Variants in ROBO2 observed in about 807,000 individuals in gnomAD.
ROBO2 encodes roundabout guidance receptor 2, also known as roundabout homolog 2.
Under a neutral mutation model 160.8 loss-of-function variants are expected in ROBO2, and 53 were observed. The observed-to-expected ratio is 0.33, with a 90% CI of 0.26 to 0.41. ROBO2 has a LOEUF of 0.41. Ranked by LOEUF, ROBO2 falls within the 10% of genes least tolerant of loss-of-function variation. ROBO2 has a pLI of 1.00. For missense variants in ROBO2, 1,577 were observed against 1,722.4 expected, an observed-to-expected ratio of 0.92 and a Z score of 1.49; for synonymous variants, 664 against 611.7, an observed-to-expected ratio of 1.09 and a Z score of -1.26.
chr3:76,030,261 A>T (rs1456123155), intron 2 of ROBO2, among the ~76,000 whole-genome samples: 2 of 151,976 alleles, frequency 1.3e-5, no homozygotes, highest in East Asian at 3.9e-4. Flanking sequence ...AGATTCTGGA[A>T]ATTAGCCCTT....
intron 2 of ROBO2, among the ~76,000 whole-genome samples, chr3:77,161,860 GTTC>G (rs147354370): frequency 0.013 from 1,992 of 151,518 alleles, 63 homozygotes; most frequent in African/African-American, 0.045. Flanking sequence ...AAAGCATGTA[GTTC>G]TTCTTCTGTA....
intron 2 of ROBO2, among the ~76,000 whole-genome samples, chr3:77,194,942 T>C (rs1294691909): frequency 6.6e-6 from 1 of 152,118 alleles, no homozygotes; most frequent in Non-Finnish European, 1.5e-5. Context: ...AATTAAATAT[T>C]ACATGGCTCT....
chr3:77,024,508 A>T (rs538487854), intron 2 of ROBO2, among the ~76,000 whole-genome samples: 8 of 152,274 alleles, frequency 5.3e-5, no homozygotes, highest in Non-Finnish European at 8.8e-5. Flanking sequence ...AGCATATACA[A>T]TGCTATGATC....
intron 5 of ROBO2, among the ~76,000 whole-genome samples, chr3:77,497,869 A>G (rs2087010625): frequency 6.6e-6 from 1 of 152,164 alleles, no homozygotes; most frequent in Admixed American, 6.5e-5. Flanking sequence ...AGAAACATTA[A>G]CATAACACAA....
chr3:77,033,277 G>A (rs1388400601), intron 2 of ROBO2, among the ~76,000 whole-genome samples: 1 of 152,136 alleles, frequency 6.6e-6, no homozygotes, highest in African/African-American at 2.4e-5. Context: ...GAGTGGAAAT[G>A]CTACTTCAGT....
chr3:76,858,166 G>A (rs771095591), intron 2 of ROBO2, among the ~76,000 whole-genome samples: 3 of 152,156 alleles, frequency 2.0e-5, no homozygotes, highest in African/African-American at 7.2e-5. Flanking sequence ...CACTGATGCT[G>A]TTCACCTGCC....
Position 77,583,152 on chromosome 3 carries a change from C to CAAA in ROBO2, c.2500+3054_2500+3056dup, listed in dbSNP as rs56827523. Among the ~76,000 whole-genome samples, 39 of 53,470 alleles carry CAAA rather than the reference C, an allele frequency of 7.3e-4. 3 individuals are homozygous for CAAA. The highest frequency in any genetic ancestry group is 7.5e-4 in the African/African-American group (8 of 10,622). The allele number at this position is 53,470 out of a possible 152,430, so 35.1% of individuals were successfully genotyped here. A position where few individuals can be genotyped will look rare whatever the true frequency, so the allele number is the denominator to read the frequency against. On this transcript the variant is annotated intron_variant, in intron 16 of 25. Coordinates refer to ENST00000461745, the Ensembl canonical transcript of ROBO2. ...GTCACTGAGCGAGACTCTGTCTCTC[C>CAAA]AAAAAAAAAAAAAAAAAAAAAAGGA... is the stretch of plus-strand genomic sequence containing the variant.
At chr3:75,910,894 T>C (rs1946548611) in intron 1 of ROBO2, among the ~76,000 whole-genome samples, 1 of 151,968 alleles carries the variant, frequency 6.6e-6, no homozygotes, top group African/African-American at 2.4e-5. Flanking sequence ...TTGAACTATG[T>C]TTTTAAATGT....
At chr3:76,127,236 A>G (rs2108317366) in intron 2 of ROBO2, among the ~76,000 whole-genome samples, 1 of 152,256 alleles carries the variant, frequency 6.6e-6, no homozygotes, top group Non-Finnish European at 1.5e-5. Flanking sequence ...ACCAGTGGTA[A>G]TTTGGGAGGC....
At chr3:77,512,953 T>C (rs1432684085) in intron 5 of ROBO2, among the ~76,000 whole-genome samples, 1 of 151,898 alleles carries the variant, frequency 6.6e-6, no homozygotes, top group Admixed American at 6.6e-5. Flanking sequence ...AAAACACTTG[T>C]TCTAGAATTG....
intron 2 of ROBO2, among the ~76,000 whole-genome samples, chr3:77,295,850 A>G (rs2153404798): frequency 6.7e-6 from 1 of 149,794 alleles, no homozygotes; most frequent in Admixed American, 6.7e-5. Context: ...TAAACGGGTA[A>G]GCTGAGGCTA....
At chr3:76,208,860 A>G (rs1702968508) in intron 2 of ROBO2, among the ~76,000 whole-genome samples, 1 of 151,996 alleles carries the variant, frequency 6.6e-6, no homozygotes, top group Non-Finnish European at 1.5e-5. Flanking sequence ...TCAGTAAATT[A>G]CCCAATAAAA....
chr3:77,427,577 G>T (rs1325307083), intron 2 of ROBO2, among the ~76,000 whole-genome samples: 1 of 152,172 alleles, frequency 6.6e-6, no homozygotes, highest in African/African-American at 2.4e-5. Flanking sequence ...GGAAAGAAAT[G>T]CTGTCTTTCC....
chr3:77,606,960 C>G (rs534092734), intron 20 of ROBO2, among the ~76,000 whole-genome samples: 1 of 152,220 alleles, frequency 6.6e-6, no homozygotes, highest in Admixed American at 6.5e-5. Context: ...AAGGAAGAAG[C>G]TTTATCTACT....
chr3:76,331,257 G>C (rs1016885134), intron 2 of ROBO2, among the ~76,000 whole-genome samples: 8 of 152,054 alleles, frequency 5.3e-5, no homozygotes, highest in Non-Finnish European at 1.2e-4. Context: ...AGTATGGGGT[G>C]TTGGCAAAAT....
At chr3:75,943,173 T>C (rs1253877449) in intron 2 of ROBO2, among the ~76,000 whole-genome samples, 5 of 152,206 alleles carry the variant, frequency 3.3e-5, no homozygotes, top group Admixed American at 2.6e-4. Flanking sequence ...GTTGATAATT[T>C]AGACTTTTTT....
intron 2 of ROBO2, among the ~76,000 whole-genome samples, chr3:77,330,495 G>A (rs567450511): frequency 1.3e-3 from 202 of 152,272 alleles, no homozygotes; most frequent in Middle Eastern, 6.8e-3. Context: ...TCCAGCCTGG[G>A]CAACAGAGTG....
chr3:77,180,014 T>C (rs2080557851), intron 2 of ROBO2, among the ~76,000 whole-genome samples: 1 of 152,030 alleles, frequency 6.6e-6, no homozygotes, highest in African/African-American at 2.4e-5. Context: ...AGGGAGTCGA[T>C]AAAAGCATCA....
rs943727988 is a variant in ROBO2 at position 76,062,177 on chromosome 3, C to T, written c.109+124575C>T. ...CTTGGGGGATACGGCCTAGTTCTGC[C>T]TACCACAAAAATGGAGCCGACTTTT... On this transcript the variant is annotated intron_variant, in intron 2 of 26. Coordinates refer to the ROBO2 transcript ENST00000487694. 4.6e-5 allele frequency among the ~76,000 whole-genome samples: 7 copies of T among 152,226 alleles called. No individual in the cohort carries two copies. The East Asian group carries it at 1.4e-3, about 29-fold the overall frequency.
Sources: gnomAD v4.1 joint callset for allele counts (sites outside exome capture counted in the v4.1 genomes callset) on GRCh38, gnomAD v4.1.1 for gene constraint, MANE v1.5 for transcripts, NCBI Gene and HGNC (gene_info 2026-07-23, HGNC 2026-07-21) for gene names.